Variants in DPF3 observed in about 807,000 individuals in gnomAD.
DPF3 encodes zinc finger protein DPF3.
A neutral mutation model predicts 56.8 loss-of-function variants in DPF3; 18 were observed. The observed-to-expected ratio is 0.32, with a 90% CI of 0.22 to 0.47. The LOEUF is 0.47. Among genes scored for constraint, DPF3 ranks in the 20% least tolerant of loss-of-function variants. The pLI is 1.00. For missense variants in DPF3, 403 were observed against 488.8 expected (o/e 0.82, Z 1.65); for synonymous variants, 188 against 180.2 (o/e 1.04, Z -0.35).
intron 1 of DPF3, among the ~76,000 whole-genome samples, chr14:72,815,972 T>C (rs1320988541): frequency 6.6e-6 from 1 of 152,208 alleles, no homozygotes; most frequent in Non-Finnish European, 1.5e-5. Context: ...AGTAGTTCCA[T>C]ATTTCCAGGG....
chr14:72,819,382 A>G (rs1883429678), intron 1 of DPF3, among the ~76,000 whole-genome samples: 1 of 152,252 alleles, frequency 6.6e-6, no homozygotes, highest in African/African-American at 2.4e-5. Flanking sequence ...TGGTATGTCA[A>G]AAAAGAGACA....
intron 1 of DPF3, chr14:72,892,006 C>T (rs577447228): frequency 1.3e-5 from 8 of 628,934 alleles, no homozygotes; most frequent in Non-Finnish European, 1.9e-5. Context: ...TACACAGACT[C>T]CCTCCCCAAA....
intron 1 of DPF3, among the ~76,000 whole-genome samples, chr14:72,810,343 A>G (rs1882983437): frequency 6.6e-6 from 1 of 152,192 alleles, no homozygotes; most frequent in Admixed American, 6.5e-5. Flanking sequence ...TATGCACTGC[A>G]AGGGCCTGCG....
intron 1 of DPF3, among the ~76,000 whole-genome samples, chr14:72,825,678 C>A (rs550730085): frequency 6.8e-6 from 1 of 146,150 alleles, no homozygotes; most frequent in South Asian, 2.2e-4. Context: ...GGATGAGGGC[C>A]CCCACAGGCT....
rs551981474 is a variant in DPF3, at chr14:72,636,456, C to T, written c.872-6720G>A. Among the ~76,000 whole-genome samples, 3 of 152,232 alleles carry T rather than the reference C, an allele frequency of 2.0e-5. No individual in the cohort carries two copies. In the East Asian group the frequency reaches 5.8e-4, roughly 29 times the overall value. ...CCTCTCTTCTCTCTTTCTCTTCTCT[C>T]CCTCTTCTGTCTCTCTCTCTGCCCC... On this transcript the variant is annotated intron_variant, in intron 8 of 10. Coordinates refer to ENST00000556509, the MANE Select transcript of DPF3 (RefSeq NM_001280542.3).
chr14:72,756,906 A>AAAAGAAAGAAAGAAAAAGAAAGAAAG (rs1890845756), intron 2 of DPF3, among the ~76,000 whole-genome samples: 3 of 74,660 alleles, frequency 4.0e-5, no homozygotes, highest in Non-Finnish European at 7.7e-5. Context: ...AGAAAAGAAA[A>AAAAGAAAGAAAGAAAAAGAAAGAAAG]AAAGAAAGAA....
In DPF3 at chr14:72,661,792, T is replaced by C. The variant is rs887955481; in HGVS notation, c.871+12448A>G. 4.1e-6 allele frequency: 4 copies of C among 984,362 alleles called. No homozygotes were observed. In the African/African-American group the frequency reaches 7.0e-5, roughly 17 times the overall value. The allele number at this position is 984,362 out of a possible 1,614,324, so 61.0% of individuals were successfully genotyped here. On this transcript the variant is annotated intron_variant, in intron 8 of 10. Coordinates refer to ENST00000556509, the MANE Select transcript of DPF3 (RefSeq NM_001280542.3). ...CTCAGCAGAAGGTTCCCTTTCCTCA[T>C]CTCTTCTAGGAGTTGTTAGGTGACT...
intron 1 of DPF3, among the ~76,000 whole-genome samples, chr14:72,820,729 T>A (rs1359702468): frequency 1.3e-5 from 2 of 152,180 alleles, no homozygotes; most frequent in African/African-American, 2.4e-5. Flanking sequence ...GCACTGTGGT[T>A]CACACCTATA....
rs138149967 is a variant in DPF3, at chr14:72,676,695, T to A, written c.743-2327A>T. Among the ~76,000 whole-genome samples the A allele has an allele frequency of 3.3e-3, 501 of 152,340 alleles. 3 individuals are homozygous for A. The highest frequency in any genetic ancestry group is 0.012 in the African/African-American group (486 of 41,580). On this transcript the variant is annotated intron_variant, in intron 7 of 10. Transcript: ENST00000556509. Reference sequence around the variant, plus strand: ...AAAGGGGCAGTTCCCCTGCACATGCTCTCTTGCCTGCTGCCATGTAAGATG... The same window carrying A: ...AAAGGGGCAGTTCCCCTGCACATGCACTCTTGCCTGCTGCCATGTAAGATG...
intron 1 of DPF3, among the ~76,000 whole-genome samples, chr14:72,838,908 CTTT>C (rs376458640): frequency 0.012 from 953 of 78,130 alleles, no homozygotes; most frequent in Non-Finnish European, 0.017. Context: ...CATATATATT[CTTT>C]TTTTTTTTTT....
rs77765164 is a variant in DPF3, at chr14:72,883,798, T to G, written c.32+10259A>C. ...CAAAAATTAGCTGGGTGTGGTGGCA[T>G]GTGCCTTTAATATCAGCTACTCCTG... On this transcript the variant is annotated intron_variant, in intron 1 of 10. Transcript: ENST00000556509. Among the ~76,000 whole-genome samples the G allele has an allele frequency of 2.6e-5, 4 of 152,116 alleles. No homozygotes were observed. In the East Asian group the frequency reaches 7.8e-4, roughly 29 times the overall value.
At chr14:72,814,377 A>G (rs2140023399) in intron 1 of DPF3, among the ~76,000 whole-genome samples, 1 of 152,294 alleles carries the variant, frequency 6.6e-6, no homozygotes, top group Middle Eastern at 3.4e-3. Flanking sequence ...CAGGGATTAG[A>G]TCTGACTTTT....
At chr14:72,767,241 A>G (rs1404958795) in intron 2 of DPF3, among the ~76,000 whole-genome samples, 1 of 152,248 alleles carries the variant, frequency 6.6e-6, no homozygotes, top group Non-Finnish European at 1.5e-5. Flanking sequence ...CATAACAGCC[A>G]AAATGTCCAA....
chr14:72,654,286 A>G (rs900631392), intron 8 of DPF3, among the ~76,000 whole-genome samples: 1 of 151,600 alleles, frequency 6.6e-6, no homozygotes, highest in Non-Finnish European at 1.5e-5. Flanking sequence ...GCCTTTGCTC[A>G]GGTATTTCCC....
At chr14:72,723,482 G>T in intron 5 of DPF3, 151 bp downstream of exon 5, 1 of 671,916 alleles carries the variant, frequency 1.5e-6, no homozygotes, top group Non-Finnish European at 2.4e-6. Flanking sequence ...CTACGACCTG[G>T]GATCAGAGCT....
At chr14:72,629,930 A>G (rs546488613) in intron 8 of DPF3, among the ~76,000 whole-genome samples, 194 bp from the exon 9 acceptor site, 1 of 152,308 alleles carries the variant, frequency 6.6e-6, no homozygotes, top group African/African-American at 2.4e-5. Flanking sequence ...AGGGCAAAAC[A>G]GAGATATAAG....
In DPF3 at chr14:72,743,436, C is replaced by T. The variant is rs537974253; in HGVS notation, c.301+9828G>A. The stretch of plus-strand genomic sequence containing the variant: ...GGAAATTAGCTTCCTAATTCTGTGC[C>T]GCAGTTTCCCAACCTCTAAAATGAA... On this transcript the variant is annotated intron_variant, in intron 3 of 10. Coordinates refer to ENST00000556509, the MANE Select transcript of DPF3 (RefSeq NM_001280542.3). 3.9e-5 allele frequency among the ~76,000 whole-genome samples: 6 copies of T among 152,176 alleles called. No homozygotes were observed. In the South Asian group the frequency reaches 6.2e-4, roughly 16 times the overall value.
chr14:72,659,050 G>A (rs779775396), intron 8 of DPF3, among the ~76,000 whole-genome samples: 1 of 151,794 alleles, frequency 6.6e-6, no homozygotes, highest in South Asian at 2.1e-4. Flanking sequence ...CCTGCAGGCT[G>A]CATCCCCTGA....
intron 8 of DPF3, chr14:72,669,990 T>C (rs1226263932): frequency 3.0e-6 from 3 of 985,914 alleles, no homozygotes; most frequent in African/African-American, 1.7e-5. Context: ...TTCTTGGGAC[T>C]GTCAGTGAGG....
Sources: gnomAD v4.1 joint callset for allele counts (sites outside exome capture counted in the v4.1 genomes callset) on GRCh38, gnomAD v4.1.1 for gene constraint, MANE v1.5 for transcripts, NCBI Gene and HGNC (gene_info 2026-07-23, HGNC 2026-07-21) for gene names.